CCDC33: variants seen among roughly 807,000 people sequenced by gnomAD.
CCDC33 encodes the protein coiled-coil domain-containing protein 33.
Under a neutral mutation model 91.9 loss-of-function variants are expected in CCDC33, and 94 were observed. The observed-to-expected ratio is 1.02, with a 90% CI of 0.87 to 1.21. CCDC33 has a LOEUF of 1.21. Among genes scored for constraint, CCDC33 ranks in the 50% most tolerant of loss-of-function variants. CCDC33 has a pLI of 0.00. For synonymous variants in CCDC33, 396 were observed against 374.5 expected (o/e 1.06, Z -0.66); for missense variants, 940 against 935.5 (o/e 1.00, Z -0.06).
chr15:74,208,170 T>A, intron 1 of CCDC33: 1 of 570,840 alleles, frequency 1.8e-6, no homozygotes, highest in Non-Finnish European at 2.3e-6. Context: ...GCTAGGCTAG[T>A]ACTGACCTGG....
At chr15:74,308,597 G>A (rs920660454) in intron 11 of CCDC33, among the ~76,000 whole-genome samples, 5 of 152,178 alleles carry the variant, frequency 3.3e-5, no homozygotes, top group Non-Finnish European at 4.4e-5. Flanking sequence ...AAATCTTCAA[G>A]GAGGGGGGAC....
chr15:74,261,386 T>C (rs1016044510), intron 2 of CCDC33, among the ~76,000 whole-genome samples: 3 of 152,236 alleles, frequency 2.0e-5, no homozygotes, highest in East Asian at 1.9e-4. Flanking sequence ...GGAAGAACCA[T>C]GTTGGTATTG....
intron 1 of CCDC33, among the ~76,000 whole-genome samples, chr15:74,241,275 C>T (rs1484225951): frequency 1.3e-5 from 2 of 152,050 alleles, no homozygotes; most frequent in Non-Finnish European, 2.9e-5. Flanking sequence ...ATCTGGGGGG[C>T]ATGTATTCTC....
At position 74,330,207 on chromosome 15, in the gene CCDC33, C is replaced by T. The variant is rs749495036; in HGVS notation, c.1309C>T (p.Arg437Trp). Residue 437 changes from arginine (R) to tryptophan (W), a missense_variant, in exon 12 of 19, where the codon CGG becomes TGG. By Grantham distance (101) the Arg-to-Trp change is moderately radical. Transcript: ENST00000398814. ...TCCACAGGAGATGAACAACTACCGG[C>T]GGGCCATGCAGAAGATGGCAGAGGA... ...SHDTEMNNYRRAMQKMAEDIL... is the reference protein window; with the variant it reads ...SHDTEMNNYRWAMQKMAEDIL... 5 of 1,607,262 alleles carry T rather than the reference C, an allele frequency of 3.1e-6. No individual in the cohort carries two copies. The highest frequency in any genetic ancestry group is 3.4e-6 in the Non-Finnish European group (4 of 1,176,052).
At chr15:74,250,298 A>T (rs2075664037) in intron 2 of CCDC33, among the ~76,000 whole-genome samples, 1 of 152,126 alleles carries the variant, frequency 6.6e-6, no homozygotes, top group Admixed American at 6.5e-5. Flanking sequence ...CATTGTTCCC[A>T]AAGTAAAGAG....
chr15:74,301,788 C>T (rs756078759), intron 11 of CCDC33: 2 of 152,120 alleles, frequency 1.3e-5, no homozygotes, highest in African/African-American at 2.4e-5. Flanking sequence ...GAAATTCAAG[C>T]ACAGGGTTGC....
chr15:74,205,108 G>A (rs943326874), intron 1 of CCDC33, among the ~76,000 whole-genome samples: 1 of 152,196 alleles, frequency 6.6e-6, no homozygotes, highest in African/African-American at 2.4e-5. Flanking sequence ...AGTGAAGTGG[G>A]GGAAGAGAAG....
chr15:74,308,067 G>T (rs764003163), intron 11 of CCDC33, among the ~76,000 whole-genome samples: 1 of 152,126 alleles, frequency 6.6e-6, no homozygotes, highest in Non-Finnish European at 1.5e-5. Context: ...TCTAAAGCGG[G>T]CACGGGCTCT....
At position 74,332,755 on chromosome 15, in the gene CCDC33, G is replaced by A. The variant is rs936631670; in HGVS notation, c.1848G>A (p.Val616=). Residue 616 remains valine (V), a synonymous_variant, in exon 16 of 19, where the codon GTG becomes GTA. Coordinates refer to ENST00000398814, the MANE Select transcript of CCDC33 (RefSeq NM_025055.5). ...ACCTGCCGGTTGAACTTTACTCGGT[G>A]CTGCTGGCAGAAAACGCGAAGCTGC... The part of the protein sequence containing the change: ...GENLPVELYS[V]LLAENAKLRT... The A allele has an allele frequency of 6.2e-7, 1 of 1,614,110 alleles. No homozygotes were observed. The highest frequency in any genetic ancestry group is 8.5e-7 in the Non-Finnish European group (1 of 1,180,042).
chr15:74,321,123 C>T (rs2060198363), intron 11 of CCDC33, among the ~76,000 whole-genome samples: 1 of 152,216 alleles, frequency 6.6e-6, no homozygotes, highest in Non-Finnish European at 1.5e-5. Flanking sequence ...GAGACGGCCC[C>T]TCAGAACTGG....
At chr15:74,217,392 G>C (rs771252175) in exon 1 of CCDC33, 1 of 1,289,774 alleles carries the variant, frequency 7.8e-7, no homozygotes, top group African/African-American at 1.5e-5. Context: ...TAATGAGGCG[G>C]GTAGATACGC....
chr15:74,288,211 C>G (rs2059516753), intron 10 of CCDC33, among the ~76,000 whole-genome samples: 1 of 152,178 alleles, frequency 6.6e-6, no homozygotes, highest in South Asian at 2.1e-4. Flanking sequence ...CAATTTCCTC[C>G]CCCTGGCCCT....
At chr15:74,254,744 CTTT>C (rs756927130) in intron 2 of CCDC33, among the ~76,000 whole-genome samples, 3 of 126,408 alleles carry the variant, frequency 2.4e-5, no homozygotes, top group Non-Finnish European at 1.6e-5. Flanking sequence ...TACCCTCCTT[CTTT>C]TTTTTTTTTT....
At chr15:74,305,359 A>G (rs1470225770) in intron 11 of CCDC33, among the ~76,000 whole-genome samples, 3 of 152,228 alleles carry the variant, frequency 2.0e-5, no homozygotes, top group African/African-American at 7.2e-5. Context: ...CAGAGGGCAC[A>G]TGCTGGAAGC....
chr15:74,209,634 T>G, intron 2 of CCDC33: 1 of 591,476 alleles, frequency 1.7e-6, no homozygotes, highest in East Asian at 2.8e-5. Flanking sequence ...AGTCCTGCTC[T>G]TCACCCCAAG....
At chr15:74,329,559 C>T (rs2060383166) in intron 11 of CCDC33, among the ~76,000 whole-genome samples, 1 of 152,194 alleles carries the variant, frequency 6.6e-6, no homozygotes, top group Admixed American at 6.5e-5. Context: ...ATTAGGATTG[C>T]TGTTGTTCCT....
At chr15:74,326,381 C>T (rs1179844165) in intron 11 of CCDC33, among the ~76,000 whole-genome samples, 2 of 152,242 alleles carry the variant, frequency 1.3e-5, no homozygotes, top group African/African-American at 2.4e-5. Context: ...TGTTGCCAGG[C>T]ACCCTGTGTG....
intron 2 of CCDC33, among the ~76,000 whole-genome samples, chr15:74,222,498 A>G (rs948479595): frequency 6.7e-6 from 1 of 148,450 alleles, no homozygotes; most frequent in Non-Finnish European, 1.5e-5. Context: ...CTTTTAAATG[A>G]CACTTTCAAG....
intron 11 of CCDC33, among the ~76,000 whole-genome samples, chr15:74,314,574 C>T (rs966270829): frequency 2.0e-5 from 3 of 152,058 alleles, no homozygotes; most frequent in African/African-American, 7.2e-5. Flanking sequence ...CTCTGCCCAC[C>T]CTCCCCCTGC....
Sources: gnomAD v4.1 joint callset for allele counts (sites outside exome capture counted in the v4.1 genomes callset) on GRCh38, gnomAD v4.1.1 for gene constraint, MANE v1.5 for transcripts, NCBI Gene and HGNC (gene_info 2026-07-23, HGNC 2026-07-21) for gene names.